Variants in PRDM8 observed in about 807,000 individuals in gnomAD.
PRDM8 encodes the protein PR domain zinc finger protein 8.
PRDM8 carries 13 observed loss-of-function variants against 46.5 expected under a neutral mutation model. That is an observed-to-expected ratio of 0.28 (90% confidence interval 0.18 to 0.44). The LOEUF (loss-of-function observed/expected upper bound fraction) is 0.44. PRDM8 is among the 20% of genes least tolerant of loss of function. PRDM8 has a pLI of 1.00. For missense variants in PRDM8, 998 were observed against 955.0 expected (o/e 1.04, Z -0.59); for synonymous variants, 473 against 438.4 (o/e 1.08, Z -0.98).
At position 80,203,211 on chromosome 4, in the gene PRDM8, C is replaced by G. The variant is rs774404543; in HGVS notation, c.1749C>G (p.Pro583=). 8 of 1,552,442 alleles carry G rather than the reference C, an allele frequency of 5.2e-6. No individual in the cohort carries two copies. Among genetic ancestry groups the G allele is most frequent in the African/African-American group, 1.4e-5 (1 of 73,042 alleles). The change falls in exon 4 of 4, where the codon CCC becomes CCG. Residue 583 remains proline (P), a synonymous_variant. Transcript: ENST00000415738. ...SPFLYATAFW[P]KSSAAAAAAA... ...TCCTGTACGCCACCGCCTTCTGGCC[C>G]AAGAGCTCCGCTGCCGCTGCAGCCG... is the stretch of plus-strand genomic sequence containing the variant.
At position 80,197,746 on chromosome 4, in the gene PRDM8, A is replaced by G. The variant is rs369902113; in HGVS notation, c.-20A>G. On this transcript the variant is annotated 5_prime_UTR_variant, in exon 1 of 4. Coordinates refer to ENST00000415738, the MANE Select transcript of PRDM8 (RefSeq NM_001099403.2). Reference sequence around the variant, plus strand: ...CAGGTGGCCTTATTTGGGAGATTCTATACTGACCTTATTCCTGGTAAGTCT... The same window carrying G: ...CAGGTGGCCTTATTTGGGAGATTCTGTACTGACCTTATTCCTGGTAAGTCT... 1.4e-5 allele frequency: 14 copies of G among 984,942 alleles called. No individual in the cohort carries two copies. The East Asian group carries it at 4.5e-4, about 32-fold the overall frequency. The allele number at this position is 984,942 out of a possible 1,614,324, so 61.0% of individuals were successfully genotyped here.
At position 80,201,363 on chromosome 4, in the gene PRDM8, AG is replaced by A; in HGVS notation, c.295del (p.Glu99LysfsTer9). 6.2e-7 allele frequency: 1 copy of A among 1,614,254 alleles called. No individual in the cohort carries two copies. The highest frequency in any genetic ancestry group is 8.5e-7 in the Non-Finnish European group (1 of 1,180,046). ...WLRLVQSARD[K>X]EEQNLEAYIK... ...CGGTTGGTCCAATCGGCCAGAGATA[AG>A]GAAGAGCAGAACCTTGAAGCCTACA... On this transcript the variant is annotated frameshift_variant, in exon 3 of 4. Transcript: ENST00000415738. LOFTEE classifies it high-confidence loss of function.
rs904039995 is a variant in PRDM8 at position 80,202,391 on chromosome 4, G to A, written c.929G>A (p.Gly310Asp). 1.3e-6 allele frequency: 2 copies of A among 1,576,510 alleles called. No homozygotes were observed. Among genetic ancestry groups the A allele is most frequent in the African/African-American group, 1.4e-5 (1 of 74,054 alleles). The change falls in exon 4 of 4, where the codon GGC becomes GAC. Residue 310 changes from glycine to aspartate, a missense_variant. Coordinates refer to ENST00000415738, the MANE Select transcript of PRDM8 (RefSeq NM_001099403.2). The part of the protein sequence containing the change: ...LSPDGIATGG[G>D]KGKRKFPEEA... The stretch of plus-strand genomic sequence containing the variant: ...CCCGACGGCATCGCCACGGGCGGCG[G>A]CAAAGGAAAGAGGAAATTCCCGGAG...
At chr4:80,198,073 G>A (rs1308797932) in intron 1 of PRDM8, among the ~76,000 whole-genome samples, 1 of 152,196 alleles carries the variant, frequency 6.6e-6, no homozygotes, top group Non-Finnish European at 1.5e-5. Flanking sequence ...CAGGGCAGGC[G>A]GATAAGAACC....
At chr4:80,200,681 A>C (rs1286395821) in intron 2 of PRDM8, among the ~76,000 whole-genome samples, 1 of 152,206 alleles carries the variant, frequency 6.6e-6, no homozygotes, top group Non-Finnish European at 1.5e-5. Context: ...CCATTTGAGG[A>C]GGCTTCTTCA....
At chr4:80,199,005 T>A in intron 1 of PRDM8, among the ~76,000 whole-genome samples, 1 of 130,506 alleles carries the variant, frequency 7.7e-6, no homozygotes, top group Admixed American at 7.8e-5. Flanking sequence ...TTTTTTTTTT[T>A]TTTTTTTTTT....
rs1383256669 is a variant in PRDM8 at position 80,201,388 on chromosome 4, C to T, written c.318C>T (p.Tyr106=). The part of the protein sequence containing the change: ...RDKEEQNLEA[Y]IKNGQLFYRS... ...AGGAAGAGCAGAACCTTGAAGCCTA[C>T]ATAAAAAACGGACAGCTGTTCTACC... Residue 106 remains tyrosine, a synonymous_variant, in exon 3 of 4, where the codon TAC becomes TAT. Coordinates refer to ENST00000415738, the MANE Select transcript of PRDM8 (RefSeq NM_001099403.2). 1 of 1,614,234 alleles carries T rather than the reference C, an allele frequency of 6.2e-7. No homozygotes were observed. The highest frequency in any genetic ancestry group is 1.3e-5 in the African/African-American group (1 of 75,052).
chr4:80,190,992 T>C (rs1318076952), intron 1 of PRDM8, among the ~76,000 whole-genome samples: 2 of 152,220 alleles, frequency 1.3e-5, no homozygotes, highest in Non-Finnish European at 2.9e-5. Context: ...AGATATTAGA[T>C]AGTAACATTA....
At position 80,200,141 on chromosome 4, in the gene PRDM8, T is replaced by C; in HGVS notation, c.61T>C (p.Cys21Arg). The C allele has an allele frequency of 6.2e-7, 1 of 1,614,136 alleles. No individual in the cohort carries two copies. The highest frequency in any genetic ancestry group is 8.5e-7 in the Non-Finnish European group (1 of 1,180,006). ...TGGAGATGCCAAGGCTGTCCAACAA[T>C]GTCTGACAGATATTTTTACCAGCGT... is the stretch of plus-strand genomic sequence containing the variant. Reference protein sequence around the residue: ...WDGDAKAVQQCLTDIFTSVYT... With the variant: ...WDGDAKAVQQRLTDIFTSVYT... The change falls in exon 2 of 4, where the codon TGT becomes CGT. Residue 21 changes from cysteine (C) to arginine (R), a missense_variant. By Grantham distance (180) the Cys-to-Arg change is radical. Transcript: ENST00000415738.
In PRDM8 at chr4:80,203,614, G is replaced by T. The variant is rs1271690435; in HGVS notation, c.*82G>T. 6.8e-7 allele frequency: 1 copy of T among 1,481,450 alleles called. No homozygotes were observed. The highest frequency in any genetic ancestry group is 1.4e-5 in the African/African-American group (1 of 71,256). The allele number at this position is 1,481,450 out of a possible 1,614,324, so 91.8% of individuals were successfully genotyped here. A position where few individuals can be genotyped will look rare whatever the true frequency, so the allele number is the denominator to read the frequency against. On this transcript the variant is annotated 3_prime_UTR_variant, in exon 4 of 4. Transcript: ENST00000415738. Reference sequence around the variant, plus strand: ...GAATAAACACGCGAGAACATCCACCGCTTCCTTGCACCCCGAAACCCTGCA... The same window carrying T: ...GAATAAACACGCGAGAACATCCACCTCTTCCTTGCACCCCGAAACCCTGCA...
chr4:80,202,132 G>C lies in PRDM8; in HGVS notation c.670G>C (p.Gly224Arg). 6.2e-7 allele frequency: 1 copy of C among 1,611,132 alleles called. No individual in the cohort carries two copies. The highest frequency in any genetic ancestry group is 8.5e-7 in the Non-Finnish European group (1 of 1,179,240). The change falls in exon 4 of 4, where the codon GGT becomes CGT. Residue 224 changes from glycine to arginine, a missense_variant. Coordinates refer to ENST00000415738, the MANE Select transcript of PRDM8 (RefSeq NM_001099403.2). Reference sequence around the variant, plus strand: ...GCAGCAGGAGGCACCTTTAGGCCCGGGTCCCAAGTTTTGCAAAGCCGGCCC... The same window carrying C: ...GCAGCAGGAGGCACCTTTAGGCCCGCGTCCCAAGTTTTGCAAAGCCGGCCC... ...QQQQEAPLGP[G>R]PKFCKAGPLH...
chr4:80,189,493 C>G (rs761475380), intron 1 of PRDM8, among the ~76,000 whole-genome samples: 9 of 152,156 alleles, frequency 5.9e-5, no homozygotes, highest in Non-Finnish European at 1.0e-4. Context: ...TTCCATTTCT[C>G]CCTAGAAACT....
Position 80,202,728 on chromosome 4 carries a change from C to G in PRDM8, c.1266C>G (p.Ser422=). The change falls in exon 4 of 4, where the codon TCC becomes TCG. Residue 422 remains serine (S), a synonymous_variant. Transcript: ENST00000415738. ...AGGACGCTGGCGGCGGCGGCGGCTC[C>G]TCCACGCCCGCGGCCGCGTCACCGG... ...EDQDAGGGGG[S]STPAAASPVG... The G allele has an allele frequency of 7.7e-7, 1 of 1,302,662 alleles. No homozygotes were observed. The highest frequency in any genetic ancestry group is 9.7e-7 in the Non-Finnish European group (1 of 1,031,390). The allele number at this position is 1,302,662 out of a possible 1,614,324, so 80.7% of individuals were successfully genotyped here.
chr4:80,186,385 G>A (rs1560463652), intron 1 of PRDM8, among the ~76,000 whole-genome samples: 2 of 147,634 alleles, frequency 1.4e-5, no homozygotes, highest in African/African-American at 5.0e-5. Flanking sequence ...AAGAAGGGAG[G>A]AAATAAGGGA....
chr4:80,202,322 G>C lies in PRDM8; in HGVS notation c.860G>C (p.Ser287Thr), dbSNP rs1426071089. 4 of 1,598,206 alleles carry C rather than the reference G, an allele frequency of 2.5e-6. No individual in the cohort carries two copies. In the East Asian group the frequency reaches 6.8e-5, roughly 27 times the overall value. ...CCAGCCCAGAGCCTCAGCAGCGGTA[G>C]CGGCAGCGGCGGCGGCGGCGGCCAC... ...CSPAQSLSSGSGSGGGGGHQE... is the reference protein window; with the variant it reads ...CSPAQSLSSGTGSGGGGGHQE... The change falls in exon 4 of 4, where the codon AGC becomes ACC. Residue 287 changes from serine to threonine, a missense_variant. Transcript: ENST00000415738.
intron 1 of PRDM8, among the ~76,000 whole-genome samples, chr4:80,198,980 G>GTTTTTTTTTTTTTTTTTTTTTTT (rs1413112507): frequency 9.6e-6 from 1 of 104,188 alleles, no homozygotes; most frequent in African/African-American, 3.5e-5. Context: ...GTTTTTTTGG[G>GTTTTTTTTTTTTTTTTTTTTTTT]TTTTTTTTTT....
At chr4:80,186,704 C>T (rs551422306) in intron 1 of PRDM8, among the ~76,000 whole-genome samples, 1 of 152,206 alleles carries the variant, frequency 6.6e-6, no homozygotes, top group African/African-American at 2.4e-5. Flanking sequence ...CTGTTAGTGC[C>T]CCTTTTATCT....
chr4:80,186,211 G>A (rs992962493), intron 1 of PRDM8, among the ~76,000 whole-genome samples: 6 of 152,144 alleles, frequency 3.9e-5, no homozygotes, highest in Admixed American at 3.3e-4. Context: ...TAGGATAAGA[G>A]TCAGACTCCT....
intron 1 of PRDM8, among the ~76,000 whole-genome samples, chr4:80,187,889 C>G (rs1003044972): frequency 3.3e-5 from 5 of 152,190 alleles, no homozygotes; most frequent in Non-Finnish European, 2.9e-5. Flanking sequence ...CTCTGGGTCT[C>G]CATTCCCATT....
Sources: allele counts gnomAD v4.1 joint callset (sites outside exome capture counted in the v4.1 genomes callset), GRCh38; gene constraint gnomAD v4.1.1; transcripts MANE v1.5; gene names NCBI Gene and HGNC (gene_info 2026-07-23, HGNC 2026-07-21).